Variants in CNTN4 observed in about 807,000 individuals in gnomAD.
The protein encoded by CNTN4 is contactin-4.
In CNTN4, 77 loss-of-function variants were observed where a neutral mutation model predicts 122.5. The observed-to-expected ratio is 0.63, with a 90% CI of 0.52 to 0.76. The LOEUF is 0.76. Ranked by LOEUF, CNTN4 falls within the 30% of genes least tolerant of loss-of-function variation. The pLI, the probability that CNTN4 is intolerant of heterozygous loss-of-function variation, is 0.00. For synonymous variants in CNTN4, 512 were observed against 447.0 expected, an observed-to-expected ratio of 1.15 and a Z score of -1.83; for missense variants, 1,256 against 1,259.1, an observed-to-expected ratio of 1.00 and a Z score of 0.04.
At chr3:2,670,414 C>A (rs1361354577) in intron 4 of CNTN4, among the ~76,000 whole-genome samples, 1 of 152,118 alleles carries the variant, frequency 6.6e-6, no homozygotes, top group Non-Finnish European at 1.5e-5. Flanking sequence ...AGGATTGCAA[C>A]CCCTGCCTTT....
chr3:2,853,881 C>A lies in CNTN4; in HGVS notation c.455-12871C>A, dbSNP rs539756144. 2.0e-5 allele frequency among the ~76,000 whole-genome samples: 3 copies of A among 152,340 alleles called. No individual in the cohort carries two copies. In the East Asian group the frequency reaches 5.8e-4, roughly 29 times the overall value. ...TGATTGGTCTCCTGTGACTCACTCC[C>A]ATCTCTATGCTGGCCTTGGGGGAAT... is the stretch of plus-strand genomic sequence containing the variant. On this transcript the variant is annotated intron_variant, in intron 7 of 24. Transcript: ENST00000418658.
chr3:2,245,862 A>G (rs945528311), intron 2 of CNTN4, among the ~76,000 whole-genome samples: 1 of 152,038 alleles, frequency 6.6e-6, no homozygotes, highest in Non-Finnish European at 1.5e-5. Context: ...ATTTTTCATG[A>G]ATTCGTACTT....
At chr3:2,422,967 A>G (rs1402512054) in intron 3 of CNTN4, among the ~76,000 whole-genome samples, 1 of 152,218 alleles carries the variant, frequency 6.6e-6, no homozygotes, top group East Asian at 1.9e-4. Context: ...TCCATGCCAA[A>G]CTGAAAAAGC....
intron 3 of CNTN4, among the ~76,000 whole-genome samples, chr3:2,538,618 A>G (rs1047342489): frequency 6.6e-6 from 1 of 152,058 alleles, no homozygotes; most frequent in African/African-American, 2.4e-5. Context: ...AATCTGGTTT[A>G]CATTTGAAGC....
intron 3 of CNTN4, among the ~76,000 whole-genome samples, chr3:2,417,698 T>G (rs563224675): frequency 2.0e-4 from 30 of 152,336 alleles, no homozygotes; most frequent in African/African-American, 5.5e-4. Context: ...TCTAGCAGCT[T>G]TATTCACAAT....
chr3:3,035,197 A>G (rs1471862733), intron 17 of CNTN4, among the ~76,000 whole-genome samples: 2 of 151,556 alleles, frequency 1.3e-5, no homozygotes, highest in East Asian at 3.9e-4. Flanking sequence ...AGTCCTAGCA[A>G]CTCAGGAGGC....
At position 2,736,237 on chromosome 3, in the gene CNTN4, G is replaced by T. The variant is rs375343574; in HGVS notation, c.78G>T (p.Pro26=). Residue 26 remains proline (P), a synonymous_variant, in exon 5 of 25, where the codon CCG becomes CCT. Transcript: ENST00000418658. ...CLADDSTLHG[P]IFIQEPSPVM... ...CAGATGATTCCACACTGCATGGCCC[G>T]ATTTTTATTCAAGAACCAAGTCCTG... 6.2e-7 allele frequency: 1 copy of T among 1,613,430 alleles called. No homozygotes were observed. The highest frequency in any genetic ancestry group is 8.5e-7 in the Non-Finnish European group (1 of 1,179,692).
intron 2 of CNTN4, among the ~76,000 whole-genome samples, chr3:2,285,712 T>C (rs977335432): frequency 1.3e-5 from 2 of 152,126 alleles, no homozygotes; most frequent in Non-Finnish European, 2.9e-5. Context: ...GAAGAGATCA[T>C]CACTAATGTC....
At chr3:2,267,157 T>TA (rs2041086267) in intron 2 of CNTN4, among the ~76,000 whole-genome samples, 1 of 152,112 alleles carries the variant, frequency 6.6e-6, no homozygotes, top group African/African-American at 2.4e-5. Context: ...TGTGCCAACT[T>TA]ACGATTGTGG....
intron 13 of CNTN4, among the ~76,000 whole-genome samples, chr3:2,957,495 G>T (rs1414225027): frequency 2.0e-5 from 3 of 152,006 alleles, no homozygotes; most frequent in African/African-American, 4.8e-5. Context: ...TGTAACATGG[G>T]TATATTGTGT....
chr3:2,116,172 G>A lies in CNTN4; in HGVS notation c.-145+15533G>A, dbSNP rs571815733. Among the ~76,000 whole-genome samples the A allele has an allele frequency of 5.3e-5, 8 of 152,182 alleles. No individual in the cohort carries two copies. The East Asian group carries it at 9.7e-4, about 18-fold the overall frequency. ...TGTTAGAAACAAAGCATTGCAGGAGGCCTCATATCTAGTAAATGCACTTTC... is the reference window on the plus strand; with the variant it reads ...TGTTAGAAACAAAGCATTGCAGGAGACCTCATATCTAGTAAATGCACTTTC... On this transcript the variant is annotated intron_variant, in intron 2 of 24. Coordinates refer to ENST00000418658, the MANE Select transcript of CNTN4 (RefSeq NM_175607.3).
At chr3:2,943,048 G>T (rs1241365673) in intron 13 of CNTN4, among the ~76,000 whole-genome samples, 1 of 152,130 alleles carries the variant, frequency 6.6e-6, no homozygotes, top group Non-Finnish European at 1.5e-5. Flanking sequence ...TGCACCTATT[G>T]TGTGTCCCCA....
intron 2 of CNTN4, among the ~76,000 whole-genome samples, chr3:2,222,670 C>G (rs1220944086): frequency 6.6e-6 from 1 of 151,738 alleles, no homozygotes; most frequent in African/African-American, 2.4e-5. Context: ...ACACCCCCAA[C>G]ACACACCCCA....
intron 3 of CNTN4, among the ~76,000 whole-genome samples, chr3:2,479,568 G>A (rs776943985): frequency 1.6e-4 from 24 of 152,308 alleles, no homozygotes; most frequent in Admixed American, 4.6e-4. Flanking sequence ...AAACTTACGC[G>A]ATGCCCGGGA....
intron 2 of CNTN4, among the ~76,000 whole-genome samples, chr3:2,275,272 C>T (rs183142597): frequency 2.0e-5 from 3 of 152,242 alleles, no homozygotes; most frequent in Admixed American, 2.0e-4. Context: ...GATAAACCAG[C>T]GTTTAGAGAT....
intron 2 of CNTN4, among the ~76,000 whole-genome samples, chr3:2,200,461 T>C (rs1301332299): frequency 6.6e-6 from 1 of 152,144 alleles, no homozygotes; most frequent in Non-Finnish European, 1.5e-5. Flanking sequence ...TAGTTGTTTA[T>C]GTGTGTTGAG....
chr3:2,278,858 T>C (rs1474167908), intron 2 of CNTN4, among the ~76,000 whole-genome samples: 1 of 150,700 alleles, frequency 6.6e-6, no homozygotes, highest in Non-Finnish European at 1.5e-5. Context: ...AGATGGATGA[T>C]TGTCACTACT....
At chr3:2,364,940 G>A (rs938624733) in intron 3 of CNTN4, among the ~76,000 whole-genome samples, 1 of 152,070 alleles carries the variant, frequency 6.6e-6, no homozygotes, top group Non-Finnish European at 1.5e-5. Context: ...GTGCGATTTG[G>A]CTTTGTATTG....
intron 3 of CNTN4, among the ~76,000 whole-genome samples, chr3:2,541,893 C>A (rs1038094527): frequency 2.6e-5 from 4 of 152,024 alleles, no homozygotes. Context: ...CTGACCTTGG[C>A]AACTCTAATA....
Sources: gnomAD v4.1 joint callset for allele counts (sites outside exome capture counted in the v4.1 genomes callset) on GRCh38, gnomAD v4.1.1 for gene constraint, MANE v1.5 for transcripts, NCBI Gene and HGNC (gene_info 2026-07-23, HGNC 2026-07-21) for gene names.